Variants in MCTP1 observed in about 807,000 individuals in gnomAD.
MCTP1 encodes multiple C2 and transmembrane domain containing 1, also known as multiple C2 and transmembrane domain-containing protein 1.
In MCTP1, 69 loss-of-function variants were observed where a neutral mutation model predicts 120.6. The observed-to-expected ratio is 0.57, with a 90% CI of 0.47 to 0.70. MCTP1 has a LOEUF of 0.70. Ranked by LOEUF, MCTP1 falls within the 30% of genes least tolerant of loss-of-function variation. The probability of loss-of-function intolerance (pLI) is 0.00; values close to 1 mark genes in which losing one functional copy is unlikely to be tolerated. For missense variants in MCTP1, 1,203 were observed against 1,248.8 expected (o/e 0.96, Z 0.55); for synonymous variants, 529 against 493.1 (o/e 1.07, Z -0.96).
intron 9 of MCTP1, among the ~76,000 whole-genome samples, chr5:94,910,750 G>A (rs904595865): frequency 6.9e-6 from 1 of 145,632 alleles, no homozygotes; most frequent in African/African-American, 2.7e-5. Flanking sequence ...GGAGAAGATA[G>A]AAGTGGTCAT....
chr5:95,161,531 T>C (rs184194452), intron 1 of MCTP1, among the ~76,000 whole-genome samples: 4 of 152,172 alleles, frequency 2.6e-5, no homozygotes, highest in East Asian at 1.9e-4. Context: ...ATGCACAAAA[T>C]GGTGACTATA....
At chr5:94,969,597 G>A (rs1826340719) in intron 2 of MCTP1, among the ~76,000 whole-genome samples, 1 of 151,970 alleles carries the variant, frequency 6.6e-6, no homozygotes, top group African/African-American at 2.4e-5. Context: ...AGAAGAAGGA[G>A]GAGGAGGAAT....
intron 19 of MCTP1, among the ~76,000 whole-genome samples, chr5:94,748,287 T>G (rs1429111756): frequency 6.6e-6 from 1 of 152,214 alleles, no homozygotes; most frequent in Non-Finnish European, 1.5e-5. Context: ...GCCAGTTGCA[T>G]GTACAGTTAG....
chr5:94,924,537 G>A (rs924421965), intron 6 of MCTP1, among the ~76,000 whole-genome samples: 29 of 152,016 alleles, frequency 1.9e-4, no homozygotes, highest in Admixed American at 1.3e-3. Flanking sequence ...ACTGAAGTTC[G>A]CTGACAATAA....
intron 16 of MCTP1, among the ~76,000 whole-genome samples, chr5:94,869,527 A>G (rs1581119779): frequency 6.6e-6 from 1 of 151,998 alleles, no homozygotes; most frequent in Non-Finnish European, 1.5e-5. Context: ...TGTTATTTAC[A>G]TTTCTACTTA....
Position 94,799,045 on chromosome 5 carries a change from T to C in MCTP1, c.2524A>G (p.Ile842Val). 6.2e-7 allele frequency: 1 copy of C among 1,612,116 alleles called. No individual in the cohort carries two copies. Among genetic ancestry groups the C allele is most frequent in the Non-Finnish European group, 8.5e-7 (1 of 1,178,742 alleles). The change falls in exon 18 of 23, where the codon ATA becomes GTA. Residue 842 changes from isoleucine to valine, a missense_variant. By Grantham distance (29) the Ile-to-Val change is conservative (BLOSUM62 3). Transcript: ENST00000515393. ...LLLTWNYFLI[I>V]SGKDNRQRDT... ...CGTTGCCTGTTATCTTTCCCTGATA[T>C]TATCAAGAAGTAGTTCCATGTCAAT... is the stretch of plus-strand genomic sequence containing the variant.
At chr5:94,925,554 G>A (rs2153468003) in intron 6 of MCTP1, among the ~76,000 whole-genome samples, 1 of 151,988 alleles carries the variant, frequency 6.6e-6, no homozygotes, top group East Asian at 1.9e-4. Context: ...GACTACAGGT[G>A]CGCGCCACCA....
intron 12 of MCTP1, among the ~76,000 whole-genome samples, chr5:94,881,959 A>G (rs1303826898): frequency 6.6e-6 from 1 of 152,196 alleles, no homozygotes; most frequent in Non-Finnish European, 1.5e-5. Flanking sequence ...TCCACTCTCA[A>G]CATTTCACCT....
intron 1 of MCTP1, among the ~76,000 whole-genome samples, chr5:95,151,644 T>C (rs1188151447): frequency 6.6e-6 from 1 of 152,238 alleles, no homozygotes; most frequent in Non-Finnish European, 1.5e-5. Flanking sequence ...AGCTGGACTC[T>C]CTGCAATGCT....
intron 1 of MCTP1, among the ~76,000 whole-genome samples, chr5:95,150,259 T>A (rs1471878409): frequency 1.3e-5 from 2 of 152,258 alleles, no homozygotes; most frequent in Non-Finnish European, 2.9e-5. Context: ...GTTATAAGCA[T>A]CTTTACTTTA....
chr5:95,283,834 C>T (rs1226345015), intron 1 of MCTP1, 22 bp downstream of exon 1: 3 of 1,188,272 alleles, frequency 2.5e-6, no homozygotes, highest in African/African-American at 4.3e-5. Context: ...ACCTTGTCTC[C>T]GGCCGCGCCA....
intron 17 of MCTP1, among the ~76,000 whole-genome samples, chr5:94,840,195 T>C (rs1176516446): frequency 2.0e-5 from 3 of 151,984 alleles, no homozygotes; most frequent in Non-Finnish European, 4.4e-5. Flanking sequence ...AATCCTCCTT[T>C]CCCCCAACTC....
chr5:94,733,809 CA>C lies in MCTP1; in HGVS notation c.2611-18924del, dbSNP rs544135644. Reference sequence around the variant, plus strand: ...TGAAACCCCGTCTCTACTAAAAATACAAAAATTAGCCGGGCGTGGTGGCGGG... The same window carrying C: ...TGAAACCCCGTCTCTACTAAAAATACAAAATTAGCCGGGCGTGGTGGCGGG... On this transcript the variant is annotated intron_variant, in intron 19 of 22. Coordinates refer to ENST00000515393, the MANE Select transcript of MCTP1 (RefSeq NM_024717.7). 9.6e-4 allele frequency among the ~76,000 whole-genome samples: 146 copies of C among 151,830 alleles called. 1 individual carries two copies. The highest frequency in any genetic ancestry group is 1.0e-3 in the Non-Finnish European group (68 of 67,902).
intron 17 of MCTP1, among the ~76,000 whole-genome samples, chr5:94,823,777 T>C (rs978452961): frequency 2.0e-5 from 3 of 152,228 alleles, no homozygotes; most frequent in African/African-American, 7.2e-5. Flanking sequence ...GTAAGCTGTA[T>C]TCCTAGGTAT....
chr5:94,762,797 A>T (rs1016814275), intron 19 of MCTP1, among the ~76,000 whole-genome samples: 2 of 152,136 alleles, frequency 1.3e-5, no homozygotes, highest in Non-Finnish European at 2.9e-5. Flanking sequence ...TTCTAGGCTC[A>T]CCTACTTCCC....
chr5:95,076,172 A>T (rs1429511888), intron 1 of MCTP1, among the ~76,000 whole-genome samples: 1 of 151,094 alleles, frequency 6.6e-6, no homozygotes, highest in Non-Finnish European at 1.5e-5. Flanking sequence ...AATTATAATG[A>T]TATATTATGA....
chr5:95,239,113 G>T lies in MCTP1; in HGVS notation c.720+44743C>A, dbSNP rs571891562. The stretch of plus-strand genomic sequence containing the variant: ...TCACTGTTACACAAACGTAACATTT[G>T]GTCTCGTAGAAGAAACATTAAAAAG... On this transcript the variant is annotated intron_variant, in intron 1 of 22. Transcript: ENST00000515393. Among the ~76,000 whole-genome samples, 24 of 152,202 alleles carry T rather than the reference G, an allele frequency of 1.6e-4. No homozygotes were observed. In the East Asian group the frequency reaches 4.6e-3, roughly 29 times the overall value.
At chr5:94,839,187 C>T (rs1250022688) in intron 17 of MCTP1, among the ~76,000 whole-genome samples, 1 of 152,124 alleles carries the variant, frequency 6.6e-6, no homozygotes, top group Non-Finnish European at 1.5e-5. Context: ...TACAAAAGGT[C>T]GAAATTCACC....
intron 1 of MCTP1, 127 bp downstream of exon 1, chr5:95,283,729 A>T: frequency 1.5e-6 from 1 of 654,564 alleles, no homozygotes; most frequent in Non-Finnish European, 2.2e-6. Flanking sequence ...TGTTTCATCT[A>T]CTTAGAATTA....
Sources: allele counts gnomAD v4.1 joint callset (sites outside exome capture counted in the v4.1 genomes callset), GRCh38; gene constraint gnomAD v4.1.1; transcripts MANE v1.5; gene names NCBI Gene and HGNC (gene_info 2026-07-23, HGNC 2026-07-21).